Variants in CREB5 observed in about 807,000 individuals in gnomAD.
The protein encoded by CREB5 is cAMP responsive element binding protein 5.
CREB5 carries 19 observed loss-of-function variants against 57.1 expected under a neutral mutation model. That is an observed-to-expected ratio of 0.33 (90% CI 0.23 to 0.49). The LOEUF is 0.49. Ranked by LOEUF, CREB5 falls within the 20% of genes least tolerant of loss-of-function variation. CREB5 has a pLI of 0.99. For synonymous variants in CREB5, 238 were observed against 238.3 expected (o/e 1.00, Z 0.01); for missense variants, 579 against 671.6 (o/e 0.86, Z 1.52).
intron 7 of CREB5, among the ~76,000 whole-genome samples, chr7:28,773,564 C>A (rs1806455826): frequency 6.6e-6 from 1 of 152,180 alleles, no homozygotes; most frequent in Non-Finnish European, 1.5e-5. Context: ...CCCAAGCCTA[C>A]CATTGTATCA....
At chr7:28,352,031 C>A (rs1786198403) in intron 1 of CREB5, among the ~76,000 whole-genome samples, 1 of 152,108 alleles carries the variant, frequency 6.6e-6, no homozygotes, top group Non-Finnish European at 1.5e-5. Flanking sequence ...TTTTAAAAAA[C>A]CAAATAGACA....
At chr7:28,516,833 T>C (rs1040140551) in intron 4 of CREB5, among the ~76,000 whole-genome samples, 2 of 152,204 alleles carry the variant, frequency 1.3e-5, no homozygotes, top group South Asian at 4.1e-4. Flanking sequence ...TTAACCCAAA[T>C]GGAATCACAA....
At chr7:28,512,025 G>T (rs1792724261) in intron 4 of CREB5, among the ~76,000 whole-genome samples, 2 of 152,180 alleles carry the variant, frequency 1.3e-5, no homozygotes, top group South Asian at 4.1e-4. Flanking sequence ...TGATGGTTTA[G>T]ATTGGGAAGT....
At chr7:28,703,598 C>T (rs1801968159) in intron 5 of CREB5, among the ~76,000 whole-genome samples, 2 of 152,114 alleles carry the variant, frequency 1.3e-5, no homozygotes, top group Admixed American at 6.6e-5. Context: ...ATTCTGAAGG[C>T]CTGAGAACCA....
chr7:28,639,067 T>G (rs1457110264), intron 5 of CREB5, among the ~76,000 whole-genome samples: 1 of 152,212 alleles, frequency 6.6e-6, no homozygotes, highest in Admixed American at 6.5e-5. Flanking sequence ...CCTGGCCCAG[T>G]TGTTCCACGC....
chr7:28,343,916 C>A (rs1785984827), intron 1 of CREB5, among the ~76,000 whole-genome samples: 1 of 152,154 alleles, frequency 6.6e-6, no homozygotes, highest in Non-Finnish European at 1.5e-5. Context: ...AAAGTGATAT[C>A]TCACTGTGGT....
Position 28,472,398 on chromosome 7 carries a change from T to C in CREB5, c.4-15777T>C, listed in dbSNP as rs151066247. Among the ~76,000 whole-genome samples the C allele has an allele frequency of 2.9e-3, 441 of 152,344 alleles. 5 individuals carry two copies. Among genetic ancestry groups the C allele is most frequent in the African/African-American group, 0.01 (417 of 41,574 alleles). The stretch of plus-strand genomic sequence containing the variant: ...TCCTCAAAAAAATCTATGACATAGG[T>C]ATTATCTCTATTTATAGATGAGGAA... On this transcript the variant is annotated intron_variant, in intron 1 of 10. Transcript: ENST00000357727.
At chr7:28,772,204 T>C (rs1486891909) in intron 7 of CREB5, among the ~76,000 whole-genome samples, 2 of 152,180 alleles carry the variant, frequency 1.3e-5, no homozygotes, top group Non-Finnish European at 2.9e-5. Context: ...GAGACTCTGC[T>C]TCAGACGGCT....
Position 28,730,169 on chromosome 7 carries a change from G to A in CREB5, c.702+5837G>A, listed in dbSNP as rs567673197. ...CTCAATTTTTAGAACAATTTGATGAGGTAGATATTCTTTTTTCTTTCTTTT... is the reference window on the plus strand; with the variant it reads ...CTCAATTTTTAGAACAATTTGATGAAGTAGATATTCTTTTTTCTTTCTTTT... On this transcript the variant is annotated intron_variant, in intron 7 of 10. Transcript: ENST00000357727. 2.0e-5 allele frequency among the ~76,000 whole-genome samples: 3 copies of A among 152,226 alleles called. No homozygotes were observed. The South Asian group carries it at 6.2e-4, about 32-fold the overall frequency.
At chr7:28,815,385 C>T (rs1011525549) in intron 9 of CREB5, among the ~76,000 whole-genome samples, 13 of 152,204 alleles carry the variant, frequency 8.5e-5, no homozygotes, top group Admixed American at 3.9e-4. Context: ...CCTCACAACA[C>T]TCAGGCCTTT....
At chr7:28,480,034 C>CGG (rs1562745882) in intron 1 of CREB5, among the ~76,000 whole-genome samples, 11 of 151,564 alleles carry the variant, frequency 7.3e-5, no homozygotes, top group African/African-American at 2.4e-4. Context: ...CTCCCCCCCC[C>CGG]CACATTATCC....
chr7:28,561,822 C>A (rs554239617), intron 4 of CREB5, among the ~76,000 whole-genome samples: 2 of 152,214 alleles, frequency 1.3e-5, no homozygotes, highest in Non-Finnish European at 2.9e-5. Context: ...CAGCTCATTG[C>A]AACTTCTGCC....
chr7:28,390,394 A>T (rs552311607), intron 1 of CREB5, among the ~76,000 whole-genome samples: 1 of 152,204 alleles, frequency 6.6e-6, no homozygotes, highest in Non-Finnish European at 1.5e-5. Flanking sequence ...CACTCTTTTT[A>T]AAAATAAACT....
chr7:28,421,850 TCTC>T (rs1788272448), intron 1 of CREB5, among the ~76,000 whole-genome samples: 1 of 25,058 alleles, frequency 4.0e-5, no homozygotes, highest in South Asian at 1.3e-3. Context: ...ACACACACTC[TCTC>T]TCTCTATATA....
chr7:28,475,892 G>A (rs1230840115), intron 1 of CREB5, among the ~76,000 whole-genome samples: 2 of 152,098 alleles, frequency 1.3e-5, no homozygotes, highest in Non-Finnish European at 2.9e-5. Flanking sequence ...CCAAGCCCAG[G>A]GTGAGGAGTC....
intron 1 of CREB5, among the ~76,000 whole-genome samples, chr7:28,420,882 TG>T (rs1312623773): frequency 6.7e-6 from 1 of 149,394 alleles, no homozygotes; most frequent in Non-Finnish European, 1.5e-5. Flanking sequence ...TTATAAGAAA[TG>T]GGGAAAAAGT....
intron 1 of CREB5, among the ~76,000 whole-genome samples, chr7:28,330,020 C>T (rs901572428): frequency 2.6e-5 from 4 of 152,246 alleles, no homozygotes; most frequent in African/African-American, 9.6e-5. Context: ...TAAGCAGCTC[C>T]ATGGGACCTC....
intron 3 of CREB5, among the ~76,000 whole-genome samples, chr7:28,495,539 C>CA (rs11396874): frequency 0.7 from 99,262 of 141,988 alleles, 34,493 homozygotes; most frequent in South Asian, 0.76. Flanking sequence ...AACTCCGTCT[C>CA]AAAAAAAAAA....
intron 1 of CREB5, among the ~76,000 whole-genome samples, chr7:28,366,574 A>G (rs1263602037): frequency 6.6e-6 from 1 of 152,226 alleles, no homozygotes; most frequent in Non-Finnish European, 1.5e-5. Context: ...GTGCTATCCA[A>G]TTCTTTGAAT....
Sources: allele counts gnomAD v4.1 joint callset (sites outside exome capture counted in the v4.1 genomes callset), GRCh38; gene constraint gnomAD v4.1.1; transcripts MANE v1.5; gene names NCBI Gene and HGNC (gene_info 2026-07-23, HGNC 2026-07-21).